Variants in PLIN2 observed in about 807,000 individuals in gnomAD.
PLIN2 encodes the protein perilipin 2, also known as perilipin-2.
A neutral mutation model predicts 30.6 loss-of-function variants in PLIN2; 33 were observed. That is an observed-to-expected ratio of 1.08 (90% CI 0.82 to 1.44). The LOEUF is 1.44. Ranked by LOEUF, PLIN2 falls within the 40% of genes most tolerant of loss-of-function variation. The pLI is 0.00. For missense variants in PLIN2, 610 were observed against 531.8 expected, an observed-to-expected ratio of 1.15 and a Z score of -1.45; for synonymous variants, 205 against 201.1, an observed-to-expected ratio of 1.02 and a Z score of -0.16.
At chr9:19,108,520 T>C (rs1242600322) in exon 3 of PLIN2, 1 of 152,592 alleles carries the variant, frequency 6.6e-6, no homozygotes, top group Non-Finnish European at 1.5e-5. Context: ...AAAAAATAGA[T>C]TAACACTCTT....
chr9:19,122,108 C>CAAAAAAAAAAAA (rs59357707), intron 4 of PLIN2, among the ~76,000 whole-genome samples: 1 of 63,308 alleles, frequency 1.6e-5, no homozygotes, highest in Admixed American at 2.4e-4. Context: ...GACTCTGTCT[C>CAAAAAAAAAAAA]AAAAAAAAAA....
At position 19,119,186 on chromosome 9, in the gene PLIN2, T is replaced by C. The variant is rs146998782; in HGVS notation, c.777+464A>G. On this transcript the variant is annotated intron_variant, in intron 6 of 7. Coordinates refer to ENST00000276914, the MANE Select transcript of PLIN2 (RefSeq NM_001122.4). ...CCTTTAATGGCTACACAGTAGTCTA[T>C]TGTGATATATCAATTTAATTAGTCC... Among the ~76,000 whole-genome samples, 6 of 152,354 alleles carry C rather than the reference T, an allele frequency of 3.9e-5. No individual in the cohort carries two copies. The East Asian group carries it at 1.2e-3, about 29-fold the overall frequency.
chr9:19,108,592 G>A (rs554265146), exon 3 of PLIN2: 1 of 152,586 alleles, frequency 6.6e-6, no homozygotes, highest in East Asian at 1.9e-4. Flanking sequence ...TCAACCAAAA[G>A]GGGTATTTTA....
At chr9:19,112,634 G>A (rs188432581), downstream of PLIN2, among the ~76,000 whole-genome samples, 2 of 151,388 alleles carry the variant, frequency 1.3e-5, 1 homozygote, top group Non-Finnish European at 2.9e-5. Flanking sequence ...ATTGAGCCTG[G>A]GAGGCGAAGC....
In PLIN2 at chr9:19,127,063, C is replaced by A. The variant is rs1818413881; in HGVS notation, c.-23+356G>T. ...TCAAAAAAAAAATGCGGTTTTCTAACGCGTTTCCCTTTCGATAATGTCCCT... is the reference window on the plus strand; with the variant it reads ...TCAAAAAAAAAATGCGGTTTTCTAAAGCGTTTCCCTTTCGATAATGTCCCT... On this transcript the variant is annotated intron_variant, in intron 1 of 7. Transcript: ENST00000276914. This position sits in a 1 kb window ranked among gnomAD's most constrained non-coding sequence, Gnocchi z 4.3. Among the ~76,000 whole-genome samples, 1 of 152,034 alleles carries A rather than the reference C, an allele frequency of 6.6e-6. No individual in the cohort carries two copies. Among genetic ancestry groups the A allele is most frequent in the South Asian group, 2.1e-4 (1 of 4,828 alleles).
rs749359176 is a variant in PLIN2 at position 19,118,461 on chromosome 9, C to G, written c.778-6G>C. The G allele has an allele frequency of 4.3e-6, 7 of 1,611,116 alleles. No individual in the cohort carries two copies. The African/African-American group carries it at 9.4e-5, about 22-fold the overall frequency. ...TTCTTCCTGGCAAATTCAATCTAGA[C>G]ACATTGAAACAAGACAAAGGAACAC... On this transcript the variant is annotated splice_region_variant and splice_polypyrimidine_tract_variant and intron_variant, in intron 6 of 7. Coordinates refer to ENST00000276914, the MANE Select transcript of PLIN2 (RefSeq NM_001122.4).
intron 7 of PLIN2, among the ~76,000 whole-genome samples, chr9:19,117,436 G>A (rs1818245513): frequency 6.6e-6 from 1 of 151,942 alleles, no homozygotes; most frequent in Admixed American, 6.6e-5. Flanking sequence ...TGAGATTACA[G>A]GTGTGAGCCA....
chr9:19,122,213 TA>T (rs1818329971), intron 4 of PLIN2, among the ~76,000 whole-genome samples: 1 of 151,392 alleles, frequency 6.6e-6, no homozygotes, highest in Non-Finnish European at 1.5e-5. Context: ...TCAAGCAATG[TA>T]AGTGAAAAAT....
chr9:19,126,477 C>CT, intron 1 of PLIN2, 29 bp from the exon 2 acceptor site: 1 of 1,431,792 alleles, frequency 7.0e-7, no homozygotes, highest in Non-Finnish European at 9.8e-7. Context: ...TTTCAGAACA[C>CT]CGGGATAAGA....
intron 2 of PLIN2, among the ~76,000 whole-genome samples, chr9:19,109,992 A>G (rs767105572): frequency 6.6e-6 from 1 of 151,726 alleles, no homozygotes; most frequent in Non-Finnish European, 1.5e-5. Context: ...AAATAGAAGG[A>G]AAGAGGGAAA....
rs372235918 is a variant in PLIN2 at position 19,116,367 on chromosome 9, T to G, written c.1195A>C (p.Asn399His). ...MDYLVNNTPL[N>H]WLVGPFYPQL... ...GGATAAAAGGGACCTACCAGCCAGT[T>G]GAGGGGCGTGTTGTTAACAAGATAA... The change falls in exon 8 of 8, where the codon AAC becomes CAC. Residue 399 changes from asparagine to histidine, a missense_variant. Coordinates refer to ENST00000276914, the MANE Select transcript of PLIN2 (RefSeq NM_001122.4). 6 of 1,614,186 alleles carry G rather than the reference T, an allele frequency of 3.7e-6. No individual in the cohort carries two copies. The South Asian group carries it at 6.6e-5, about 18-fold the overall frequency.
downstream of PLIN2, among the ~76,000 whole-genome samples, chr9:19,112,394 T>C (rs1818170122): frequency 6.6e-6 from 1 of 152,168 alleles, no homozygotes; most frequent in Non-Finnish European, 1.5e-5. Flanking sequence ...TGCCAGTTTA[T>C]GCAACAATGA....
intron 3 of PLIN2, chr9:19,125,908 G>A: frequency 2.0e-6 from 1 of 494,290 alleles, no homozygotes; most frequent in Non-Finnish European, 3.6e-6. Context: ...GAGTGATAGA[G>A]TGAGACTCCA....
downstream of PLIN2, among the ~76,000 whole-genome samples, chr9:19,111,776 CT>C (rs751171525): frequency 2.4e-4 from 37 of 152,158 alleles, no homozygotes; most frequent in Non-Finnish European, 3.8e-4. Flanking sequence ...CAAATTTTAG[CT>C]TTTTCCTTTT....
At chr9:19,119,464 G>A (rs1818278992) in intron 6 of PLIN2, among the ~76,000 whole-genome samples, 186 bp downstream of exon 6, 1 of 152,148 alleles carries the variant, frequency 6.6e-6, no homozygotes, top group Admixed American at 6.5e-5. Context: ...GATTAGCATT[G>A]CTTCCTATAT....
Position 19,123,285 on chromosome 9 carries a change from T to C in PLIN2, c.309+280A>G, listed in dbSNP as rs1818346611. ...TTAATACCACAAGACAATCAGTTAC[T>C]TGAGACAGCAATTTCATTTATAGGA... On this transcript the variant is annotated intron_variant, in intron 4 of 7. Coordinates refer to ENST00000276914, the MANE Select transcript of PLIN2 (RefSeq NM_001122.4). The C allele has an allele frequency of 5.8e-6, 8 of 1,382,522 alleles. No homozygotes were observed. The African/African-American group carries it at 8.6e-5, about 15-fold the overall frequency. The allele number at this position is 1,382,522 out of a possible 1,614,324, so 85.6% of individuals were successfully genotyped here.
In PLIN2 at chr9:19,126,295, C is replaced by G; in HGVS notation, c.45G>C (p.Arg15=). 1 of 1,613,874 alleles carries G rather than the reference C, an allele frequency of 6.2e-7. No individual in the cohort carries two copies. The highest frequency in any genetic ancestry group is 8.5e-7 in the Non-Finnish European group (1 of 1,179,862). The change falls in exon 3 of 8, where the codon CGG becomes CGC. Residue 15 remains arginine, a synonymous_variant. Transcript: ENST00000276914. ...AVDPQPSVVT[R]VVNLPLVSST... ...AGCTCACCAAGGGCAGGTTGACCACCCGAGTCACCACACTCTGCAATCAAA... is the reference window on the plus strand; with the variant it reads ...AGCTCACCAAGGGCAGGTTGACCACGCGAGTCACCACACTCTGCAATCAAA...
intron 3 of PLIN2, among the ~76,000 whole-genome samples, chr9:19,124,171 C>T (rs1456292684): frequency 6.6e-6 from 1 of 152,076 alleles, no homozygotes; most frequent in African/African-American, 2.4e-5. Context: ...CAGGCAGAGG[C>T]AGTGACAGGC....
downstream of PLIN2, among the ~76,000 whole-genome samples, chr9:19,114,923 A>G (rs1006286130): frequency 1.3e-5 from 2 of 152,234 alleles, no homozygotes; most frequent in African/African-American, 4.8e-5. Context: ...GTCCCCAACA[A>G]CAACTGAGGT....
Sources: allele counts gnomAD v4.1 joint callset (sites outside exome capture counted in the v4.1 genomes callset), GRCh38; gene constraint gnomAD v4.1.1; non-coding constraint Gnocchi (gnomAD v3.1); transcripts MANE v1.5; gene names NCBI Gene and HGNC (gene_info 2026-07-23, HGNC 2026-07-21).